The following SEMA3A variants were observed in gnomAD, a reference collection of about 807,000 sequenced individuals.
SEMA3A encodes semaphorin 3A.
Under a neutral mutation model 97.9 loss-of-function variants are expected in SEMA3A, and 29 were observed. The observed-to-expected ratio is 0.30, with a 90% CI of 0.22 to 0.40. The LOEUF (loss-of-function observed/expected upper bound fraction) is 0.40. Ranked by LOEUF, SEMA3A falls within the 10% of genes least tolerant of loss-of-function variation. The probability of loss-of-function intolerance (pLI) is 1.00; values close to 1 mark genes in which losing one functional copy is unlikely to be tolerated. For synonymous variants in SEMA3A, 321 were observed against 323.7 expected (o/e 0.99, Z 0.09); for missense variants, 763 against 951.3 (o/e 0.80, Z 2.60).
At chr7:84,051,040 G>C (rs1453066148) in intron 5 of SEMA3A, among the ~76,000 whole-genome samples, 1 of 151,722 alleles carries the variant, frequency 6.6e-6, no homozygotes, top group Admixed American at 6.6e-5. Context: ...CATTATTTCG[G>C]AGGGCTCTGT....
chr7:84,351,215 G>C (rs1802430861), intron 2 of SEMA3A, among the ~76,000 whole-genome samples: 1 of 151,938 alleles, frequency 6.6e-6, no homozygotes. Flanking sequence ...TGATTCAGGT[G>C]GCTCTCAGTA....
chr7:84,119,083 T>C (rs1246253271), intron 3 of SEMA3A, among the ~76,000 whole-genome samples: 2 of 152,298 alleles, frequency 1.3e-5, no homozygotes, highest in African/African-American at 2.4e-5. Flanking sequence ...TACTTCTAAA[T>C]ATGAATGATT....
rs10243977 is a variant in SEMA3A, at chr7:84,358,683, T to A, written c.-169+13141A>T. On this transcript the variant is annotated intron_variant, in intron 2 of 3. Coordinates refer to the SEMA3A transcript ENST00000424555. Reference sequence around the variant, plus strand: ...TTCCAATTCTCTGAAGGAAGTCATTTGTAGCTTGATGGGGATGGCATTGAA... The same window carrying A: ...TTCCAATTCTCTGAAGGAAGTCATTAGTAGCTTGATGGGGATGGCATTGAA... Among the ~76,000 whole-genome samples, 31 of 151,776 alleles carry A rather than the reference T, an allele frequency of 2.0e-4. No homozygotes were observed. In the East Asian group the frequency reaches 5.3e-3, roughly 26 times the overall value.
At chr7:84,298,888 T>TAA (rs1477544517) in intron 3 of SEMA3A, among the ~76,000 whole-genome samples, 4 of 152,066 alleles carry the variant, frequency 2.6e-5, no homozygotes, top group Non-Finnish European at 5.9e-5. Context: ...AAAACTAGAA[T>TAA]AAAGCAGGCA....
chr7:84,050,034 G>C (rs377316385), intron 5 of SEMA3A, among the ~76,000 whole-genome samples: 6 of 151,330 alleles, frequency 4.0e-5, no homozygotes, highest in East Asian at 3.9e-4. Context: ...TCCCTACAAA[G>C]GACATGAACT....
chr7:84,217,891 G>C (rs1429290961), intron 3 of SEMA3A, among the ~76,000 whole-genome samples: 1 of 151,924 alleles, frequency 6.6e-6, no homozygotes, highest in African/African-American at 2.4e-5. Flanking sequence ...AGCTTGGGTG[G>C]GTAACAAAGT....
chr7:84,094,010 G>T (rs1304533802), intron 4 of SEMA3A, among the ~76,000 whole-genome samples: 1 of 151,968 alleles, frequency 6.6e-6, no homozygotes, highest in Non-Finnish European at 1.5e-5. Context: ...AAAAAGGTAG[G>T]CAAAGGAATG....
At chr7:84,119,612 A>G (rs768132564) in intron 3 of SEMA3A, among the ~76,000 whole-genome samples, 4 of 152,204 alleles carry the variant, frequency 2.6e-5, no homozygotes, top group Non-Finnish European at 5.9e-5. Flanking sequence ...GTCTTGAGAC[A>G]TAACACGTCT....
chr7:84,069,992 A>T (rs1793682212), intron 4 of SEMA3A, among the ~76,000 whole-genome samples: 1 of 152,168 alleles, frequency 6.6e-6, no homozygotes, highest in Non-Finnish European at 1.5e-5. Context: ...GACTTTCAAA[A>T]TCTGATTGCT....
chr7:84,052,924 G>A (rs1338656669), intron 5 of SEMA3A, among the ~76,000 whole-genome samples: 8 of 151,426 alleles, frequency 5.3e-5, no homozygotes, highest in South Asian at 2.1e-4. Context: ...CTTTGTTCTC[G>A]TTGGTTTCAA....
intron 3 of SEMA3A, among the ~76,000 whole-genome samples, chr7:84,118,648 T>C (rs1795506416): frequency 6.6e-6 from 1 of 152,202 alleles, no homozygotes; most frequent in Non-Finnish European, 1.5e-5. Context: ...CTTCTTTAAG[T>C]CACCCAAATC....
At chr7:84,016,629 C>T (rs143619057) in intron 6 of SEMA3A, among the ~76,000 whole-genome samples, 1 of 152,024 alleles carries the variant, frequency 6.6e-6, no homozygotes, top group East Asian at 1.9e-4. Flanking sequence ...AAGACTCTTC[C>T]GTCTCTGAGC....
intron 6 of SEMA3A, among the ~76,000 whole-genome samples, chr7:84,036,924 A>T (rs1030112720): frequency 2.6e-5 from 4 of 152,030 alleles, no homozygotes; most frequent in Non-Finnish European, 5.9e-5. Context: ...TAAAATTGAG[A>T]GTTAAACCTT....
At chr7:84,148,300 A>C (rs367964582) in intron 1 of SEMA3A, among the ~76,000 whole-genome samples, 43 of 151,934 alleles carry the variant, frequency 2.8e-4, no homozygotes, top group African/African-American at 1.0e-3. Flanking sequence ...TATGTCCTGC[A>C]CCTTTATCTA....
chr7:84,185,980 G>T (rs1025790418), intron 1 of SEMA3A, among the ~76,000 whole-genome samples: 2 of 152,086 alleles, frequency 1.3e-5, no homozygotes, highest in African/African-American at 2.4e-5. Flanking sequence ...TGATCTCACT[G>T]TCAGTCAAAT....
At chr7:84,270,442 C>T (rs1376175972) in intron 3 of SEMA3A, among the ~76,000 whole-genome samples, 2 of 151,280 alleles carry the variant, frequency 1.3e-5, no homozygotes, top group Non-Finnish European at 2.9e-5. Context: ...TCAGCAAGTA[C>T]CTCTGACTCT....
chr7:84,310,050 A>G (rs754630243), intron 2 of SEMA3A, among the ~76,000 whole-genome samples: 8 of 152,212 alleles, frequency 5.3e-5, no homozygotes, highest in Non-Finnish European at 8.8e-5. Context: ...TGTAGAAAAC[A>G]TACATAAGCT....
intron 15 of SEMA3A, among the ~76,000 whole-genome samples, chr7:83,974,594 G>A (rs555717556): frequency 6.6e-6 from 1 of 152,204 alleles, no homozygotes; most frequent in South Asian, 2.1e-4. Flanking sequence ...ACATGATTTA[G>A]TAAGGCTGGG....
intron 2 of SEMA3A, among the ~76,000 whole-genome samples, chr7:84,320,702 A>G (rs1801624782): frequency 6.6e-6 from 1 of 152,102 alleles, no homozygotes; most frequent in African/African-American, 2.4e-5. Context: ...AAAAATATAA[A>G]CTATGTACAA....
Sources: gnomAD v4.1 joint callset for allele counts (sites outside exome capture counted in the v4.1 genomes callset) on GRCh38, gnomAD v4.1.1 for gene constraint, MANE v1.5 for transcripts, NCBI Gene and HGNC (gene_info 2026-07-23, HGNC 2026-07-21) for gene names.